Variants in ALCAM observed in about 807,000 individuals in gnomAD.
The protein encoded by ALCAM is activated leukocyte cell adhesion molecule, also known as CD166 antigen.
In ALCAM, 30 loss-of-function variants were observed where a neutral mutation model predicts 70.9. The ratio of observed to expected loss-of-function variants is 0.42; its 90% CI spans 0.32 to 0.57. The LOEUF (loss-of-function observed/expected upper bound fraction) is 0.57, where lower values mean the gene tolerates loss of function less well. Ranked by LOEUF, ALCAM falls within the 20% of genes least tolerant of loss-of-function variation. The pLI is 0.11. For missense variants in ALCAM, 591 were observed against 695.1 expected (o/e 0.85, Z 1.68); for synonymous variants, 249 against 242.5 (o/e 1.03, Z -0.25).
intron 6 of ALCAM, among the ~76,000 whole-genome samples, chr3:105,538,406 C>T (rs1023008022): frequency 2.6e-5 from 4 of 152,122 alleles, no homozygotes; most frequent in East Asian, 3.9e-4. Flanking sequence ...CAGGGGCAAA[C>T]GCAGAGCAAG....
chr3:105,372,166 A>C (rs926084118), intron 1 of ALCAM, among the ~76,000 whole-genome samples: 5 of 152,032 alleles, frequency 3.3e-5, no homozygotes, highest in African/African-American at 1.2e-4. Context: ...GTGGAGAGTA[A>C]ATTCAAGACT....
At chr3:105,564,871 C>T (rs1408321646) in intron 14 of ALCAM, among the ~76,000 whole-genome samples, 2 of 152,160 alleles carry the variant, frequency 1.3e-5, no homozygotes, top group Non-Finnish European at 2.9e-5. Context: ...CGTGGCAAAA[C>T]CCTGTCCCTA....
intron 1 of ALCAM, among the ~76,000 whole-genome samples, chr3:105,382,111 C>T (rs1219671757): frequency 6.8e-6 from 1 of 146,134 alleles, no homozygotes. Flanking sequence ...CACAACAGTC[C>T]CCAGAGTGTG....
chr3:105,387,740 G>C (rs868033099), intron 1 of ALCAM, among the ~76,000 whole-genome samples: 15 of 151,392 alleles, frequency 9.9e-5, no homozygotes, highest in African/African-American at 3.4e-4. Context: ...GATATGAAAG[G>C]CTGGAGAAGA....
chr3:105,508,670 G>T (rs930980979), intron 1 of ALCAM, among the ~76,000 whole-genome samples: 20 of 151,990 alleles, frequency 1.3e-4, no homozygotes, highest in African/African-American at 4.6e-4. Context: ...GTGAAATGAT[G>T]ACTACAGTTA....
chr3:105,438,218 G>A (rs1052994711), intron 1 of ALCAM, among the ~76,000 whole-genome samples: 1 of 151,720 alleles, frequency 6.6e-6, no homozygotes, highest in African/African-American at 2.4e-5. Context: ...TACTGATCTA[G>A]TATATAGTCT....
chr3:105,443,307 C>T (rs1937219189), intron 1 of ALCAM, among the ~76,000 whole-genome samples: 2 of 152,306 alleles, frequency 1.3e-5, no homozygotes, highest in South Asian at 4.1e-4. Context: ...GCATTCCTAA[C>T]TCCCCAGCTT....
chr3:105,402,505 A>G (rs1559779042), intron 1 of ALCAM, among the ~76,000 whole-genome samples: 1 of 152,292 alleles, frequency 6.6e-6, no homozygotes, highest in East Asian at 1.9e-4. Context: ...AGCCCTGGTC[A>G]CCTGCTGCAT....
chr3:105,520,240 G>A, intron 2 of ALCAM, 73 bp downstream of exon 2: 2 of 1,072,080 alleles, frequency 1.9e-6, no homozygotes, highest in Admixed American at 1.8e-5. Context: ...GTGAGTAACT[G>A]TGAATTTCAA....
chr3:105,444,602 TA>T (rs1384034101), intron 1 of ALCAM, among the ~76,000 whole-genome samples: 2 of 152,180 alleles, frequency 1.3e-5, no homozygotes, highest in Non-Finnish European at 2.9e-5. Context: ...AAATACATCC[TA>T]AAATTTGTTT....
chr3:105,566,583 C>A (rs1472558016), intron 14 of ALCAM, among the ~76,000 whole-genome samples: 2 of 152,018 alleles, frequency 1.3e-5, no homozygotes, highest in Non-Finnish European at 1.5e-5. Context: ...CCTCTACTGG[C>A]CTTTTAACTA....
Position 105,423,980 on chromosome 3 carries a change from G to T in ALCAM, c.73+56499G>T, listed in dbSNP as rs1193882768. 2.0e-5 allele frequency among the ~76,000 whole-genome samples: 3 copies of T among 151,482 alleles called. No individual in the cohort carries two copies. In the South Asian group the frequency reaches 6.2e-4, roughly 31 times the overall value. On this transcript the variant is annotated intron_variant, in intron 1 of 15. Coordinates refer to ENST00000306107, the MANE Select transcript of ALCAM (RefSeq NM_001627.4). The stretch of plus-strand genomic sequence containing the variant: ...AATGTATATTTTCATTAACATTTCA[G>T]ATTACTCATTCATTCACTAACATTT...
chr3:105,568,656 T>C (rs1489044288), intron 14 of ALCAM, among the ~76,000 whole-genome samples: 2 of 152,252 alleles, frequency 1.3e-5, no homozygotes, highest in Non-Finnish European at 2.9e-5. Flanking sequence ...ACCCTGTGGC[T>C]GTCTCCTTTC....
intron 1 of ALCAM, among the ~76,000 whole-genome samples, chr3:105,475,297 ATATCCTCCAT>A (rs1938076319): frequency 1.3e-5 from 2 of 152,002 alleles, no homozygotes; most frequent in Non-Finnish European, 2.9e-5. Context: ...ACTCTATATA[ATATCCTCCAT>A]ATGAATTTAG....
At chr3:105,380,960 A>G (rs899625460) in intron 1 of ALCAM, among the ~76,000 whole-genome samples, 2 of 152,056 alleles carry the variant, frequency 1.3e-5, no homozygotes, top group Middle Eastern at 6.8e-3. Flanking sequence ...ATTATAGATC[A>G]GAGTTTGAGA....
chr3:105,424,292 G>A (rs1029984367), intron 1 of ALCAM, among the ~76,000 whole-genome samples: 1 of 151,444 alleles, frequency 6.6e-6, no homozygotes, highest in African/African-American at 2.4e-5. Context: ...AGCCTGTTGG[G>A]TAATTATTAT....
chr3:105,510,301 C>T (rs1470243733), intron 1 of ALCAM, among the ~76,000 whole-genome samples: 15 of 152,018 alleles, frequency 9.9e-5, no homozygotes, highest in Admixed American at 2.6e-4. Context: ...CTATAATCAG[C>T]CCTCATAGGA....
At chr3:105,421,117 A>C (rs1281423529) in intron 1 of ALCAM, among the ~76,000 whole-genome samples, 1 of 151,458 alleles carries the variant, frequency 6.6e-6, no homozygotes, top group African/African-American at 2.4e-5. Flanking sequence ...TCCTTATACT[A>C]CTTTTTTAAT....
rs149403516 is a variant in ALCAM at position 105,496,861 on chromosome 3, C to CGT, written c.74-23192_74-23191dup. Among the ~76,000 whole-genome samples, 171 of 137,210 alleles carry CGT rather than the reference C, an allele frequency of 1.2e-3. 3 individuals carry two copies. The East Asian group carries it at 0.031, about 25-fold the overall frequency. 90.0% of individuals were successfully genotyped at this position (137,210 alleles called of 152,430 possible). A position where few individuals can be genotyped will look rare whatever the true frequency, so the allele number is the denominator to read the frequency against. ...GTGTGTGTGTGTGTGTGTGTGCATG[C>CGT]GTGTGTGTGTGTGTGGTGGAACGTA... On this transcript the variant is annotated intron_variant, in intron 1 of 15. Transcript: ENST00000306107.
Sources: gnomAD v4.1 joint callset for allele counts (sites outside exome capture counted in the v4.1 genomes callset) on GRCh38, gnomAD v4.1.1 for gene constraint, MANE v1.5 for transcripts, NCBI Gene and HGNC (gene_info 2026-07-23, HGNC 2026-07-21) for gene names.